CALN1: variants seen among roughly 807,000 people sequenced by gnomAD.
The protein encoded by CALN1 is calneuron 1.
A neutral mutation model predicts 30.6 loss-of-function variants in CALN1; 17 were observed. The ratio of observed to expected loss-of-function variants is 0.56; its 90% CI spans 0.38 to 0.83. The LOEUF is 0.83. CALN1 is among the 40% of genes least tolerant of loss of function. The pLI, the probability that CALN1 is intolerant of heterozygous loss-of-function variation, is 0.00. For missense variants in CALN1, 291 were observed against 354.9 expected, an observed-to-expected ratio of 0.82 and a Z score of 1.45; for synonymous variants, 156 against 131.4, an observed-to-expected ratio of 1.19 and a Z score of -1.28.
intron 3 of CALN1, among the ~76,000 whole-genome samples, chr7:72,233,495 C>T (rs1333678701): frequency 4.6e-5 from 7 of 151,956 alleles, no homozygotes; most frequent in Non-Finnish European, 2.9e-5. Flanking sequence ...GCAGGAGGAT[C>T]ACTTGAGACC....
chr7:72,386,555 G>A (rs906069454), intron 2 of CALN1, among the ~76,000 whole-genome samples: 4 of 152,162 alleles, frequency 2.6e-5, no homozygotes, highest in Admixed American at 6.5e-5. Flanking sequence ...CTGAAGTGGG[G>A]GTTTCCAGTA....
intron 3 of CALN1, among the ~76,000 whole-genome samples, chr7:72,136,318 G>A (rs1809510272): frequency 6.6e-6 from 1 of 152,108 alleles, no homozygotes; most frequent in Non-Finnish European, 1.5e-5. Context: ...TTATGGAGAT[G>A]ACTTCTTAAA....
chr7:72,467,727 A>T, the CALN1 span, among the ~76,000 whole-genome samples: 1 of 152,230 alleles, frequency 6.6e-6, no homozygotes, highest in Non-Finnish European at 1.5e-5. Context: ...TTTTTAAAAA[A>T]TATATTTTTA....
At chr7:72,472,527 G>A in the CALN1 span, among the ~76,000 whole-genome samples, 1 of 152,188 alleles carries the variant, frequency 6.6e-6, no homozygotes, top group Admixed American at 6.5e-5. Context: ...GCTCACACCT[G>A]TAGTCCCAGC....
chr7:72,116,967 A>T (rs902272106), intron 3 of CALN1, among the ~76,000 whole-genome samples: 6 of 152,188 alleles, frequency 3.9e-5, no homozygotes, highest in African/African-American at 1.4e-4. Flanking sequence ...GTGAACATTA[A>T]TTCAGCCAGA....
chr7:71,955,723 T>C lies in CALN1; in HGVS notation c.501+67934A>G, dbSNP rs372022451. On this transcript the variant is annotated intron_variant, in intron 5 of 6. Coordinates refer to ENST00000395275, the MANE Select transcript of CALN1 (RefSeq NM_031468.4). ...ATGCCCTGGCTCAATAAGCCCCTGA[T>C]GTTCTGGAACTCAGGAGATCCGTCC... 7.6e-4 allele frequency among the ~76,000 whole-genome samples: 115 copies of C among 152,252 alleles called. 1 individual carries two copies. Among genetic ancestry groups the C allele is most frequent in the African/African-American group, 2.7e-3 (111 of 41,568 alleles).
intron 6 of CALN1, among the ~76,000 whole-genome samples, chr7:71,803,601 A>T (rs1787430751): frequency 6.6e-6 from 1 of 152,044 alleles, no homozygotes; most frequent in Non-Finnish European, 1.5e-5. Context: ...CAGCCTCCTG[A>T]GTAGCTGGGA....
At chr7:72,167,255 C>G (rs1788591596) in intron 3 of CALN1, among the ~76,000 whole-genome samples, 1 of 152,114 alleles carries the variant, frequency 6.6e-6, no homozygotes, top group Non-Finnish European at 1.5e-5. Flanking sequence ...CAACCAAGTA[C>G]GTGGGGCTGC....
chr7:72,046,046 C>G (rs1194490874), intron 4 of CALN1, among the ~76,000 whole-genome samples: 2 of 150,440 alleles, frequency 1.3e-5, no homozygotes. Context: ...GGTGCAGGAG[C>G]TCACCCCTAT....
intron 3 of CALN1, among the ~76,000 whole-genome samples, chr7:72,129,739 T>C (rs62462819): frequency 0.27 from 41,658 of 152,134 alleles, 6,393 homozygotes; most frequent in Non-Finnish European, 0.35. Flanking sequence ...CAAATCTTCA[T>C]AATAAAACCT....
At chr7:72,334,367 G>A (rs1198128178) in intron 2 of CALN1, among the ~76,000 whole-genome samples, 1 of 152,188 alleles carries the variant, frequency 6.6e-6, no homozygotes, top group Admixed American at 6.5e-5. Flanking sequence ...TCCCACCCTG[G>A]CTGGTGACCC....
intron 2 of CALN1, among the ~76,000 whole-genome samples, chr7:72,349,558 A>C (rs2129559207): frequency 6.6e-6 from 1 of 152,336 alleles, no homozygotes; most frequent in South Asian, 2.1e-4. Context: ...AGAAGATGTA[A>C]TACTAACTTC....
At chr7:71,944,812 C>T (rs781028791) in intron 5 of CALN1, among the ~76,000 whole-genome samples, 1 of 152,072 alleles carries the variant, frequency 6.6e-6, no homozygotes, top group Non-Finnish European at 1.5e-5. Context: ...AATTTGTGCT[C>T]ATGAAGAAAT....
chr7:71,871,882 CATA>C (rs896394564), intron 5 of CALN1, among the ~76,000 whole-genome samples: 2 of 152,146 alleles, frequency 1.3e-5, no homozygotes, highest in African/African-American at 4.8e-5. Context: ...TGCTTTTTAC[CATA>C]ATATATTTCA....
chr7:72,397,712 TCTCACACA>T lies in CALN1; in HGVS notation c.119+5531_119+5538del, dbSNP rs1255863997. 9.6e-3 allele frequency among the ~76,000 whole-genome samples: 676 copies of T among 70,288 alleles called. 2 individuals carry two copies. Among genetic ancestry groups the T allele is most frequent in the African/African-American group, 0.033 (639 of 19,178 alleles). 46.1% of individuals were successfully genotyped at this position (70,288 alleles called of 152,430 possible). On this transcript the variant is annotated intron_variant, in intron 2 of 6. Transcript: ENST00000395275. ...GGGATCTTGGAGAGCACCCATTCTCTCTCACACACACACACACACACACACACACACAC... is the reference window on the plus strand; with the variant it reads ...GGGATCTTGGAGAGCACCCATTCTCTCACACACACACACACACACACACAC...
chr7:72,343,065 A>C (rs1027396961), intron 2 of CALN1, among the ~76,000 whole-genome samples: 4 of 152,182 alleles, frequency 2.6e-5, no homozygotes, highest in Non-Finnish European at 5.9e-5. Flanking sequence ...TGCTGCTGTA[A>C]CAATAACTTA....
chr7:72,110,173 T>C, intron 3 of CALN1, among the ~76,000 whole-genome samples: 1 of 152,160 alleles, frequency 6.6e-6, no homozygotes, highest in South Asian at 2.1e-4. Flanking sequence ...GGTCTTCCTG[T>C]ATGCCCTAGA....
intron 6 of CALN1, among the ~76,000 whole-genome samples, chr7:71,790,753 G>C (rs1345842701): frequency 6.6e-6 from 1 of 152,180 alleles, no homozygotes; most frequent in Non-Finnish European, 1.5e-5. Context: ...GGTGGAGGTT[G>C]GGAATTTGTG....
chr7:71,845,437 G>A (rs888611931), intron 5 of CALN1, among the ~76,000 whole-genome samples: 1 of 152,180 alleles, frequency 6.6e-6, no homozygotes, highest in South Asian at 2.1e-4. Context: ...TCCACTTCTA[G>A]AGGCTGGCTC....
Sources: gnomAD v4.1 joint callset for allele counts (sites outside exome capture counted in the v4.1 genomes callset) on GRCh38, gnomAD v4.1.1 for gene constraint, MANE v1.5 for transcripts, NCBI Gene and HGNC (gene_info 2026-07-23, HGNC 2026-07-21) for gene names.